Variants in ZNF536 observed in about 807,000 individuals in gnomAD.
ZNF536 encodes the protein zinc finger protein 536.
Under a neutral mutation model 84.5 loss-of-function variants are expected in ZNF536, and 13 were observed. That is an observed-to-expected ratio of 0.15 (90% CI 0.10 to 0.24). ZNF536 has a LOEUF of 0.24. Ranked by LOEUF, ZNF536 falls within the 10% of genes least tolerant of loss-of-function variation. The pLI is 1.00. For missense variants in ZNF536, 1,536 were observed against 1,747.5 expected, an observed-to-expected ratio of 0.88 and a Z score of 2.16; for synonymous variants, 811 against 742.5, an observed-to-expected ratio of 1.09 and a Z score of -1.50.
At chr19:30,283,953 A>C (rs2045543335) in intron 1 of ZNF536, 1 of 152,178 alleles carries the variant, frequency 6.6e-6, no homozygotes, top group African/African-American at 2.4e-5. Flanking sequence ...GGGCTATTCA[A>C]GTTTTTTAGG....
exon 2 of ZNF536, chr19:30,711,600 G>A (rs759743746): frequency 1.3e-5 from 2 of 152,288 alleles, no homozygotes; most frequent in South Asian, 2.1e-4. Flanking sequence ...GGGGCTGACC[G>A]GCACTGCAGA....
chr19:30,439,877 G>A (rs1310022768), intron 1 of ZNF536, among the ~76,000 whole-genome samples: 1 of 152,014 alleles, frequency 6.6e-6, no homozygotes, highest in Non-Finnish European at 1.5e-5. Flanking sequence ...GATAACCATG[G>A]ACACCTAGAC....
chr19:30,435,928 T>A (rs991639927), intron 1 of ZNF536, among the ~76,000 whole-genome samples: 5 of 151,724 alleles, frequency 3.3e-5, no homozygotes, highest in Non-Finnish European at 7.4e-5. Flanking sequence ...CCTTTGAGAA[T>A]TTTTTTTTCA....
intron 1 of ZNF536, among the ~76,000 whole-genome samples, chr19:30,641,518 ATAGT>A (rs746855643): frequency 1.3e-4 from 20 of 152,334 alleles, no homozygotes; most frequent in Admixed American, 2.6e-4. Context: ...ATATCATTAT[ATAGT>A]TATTTACCCT....
chr19:30,302,760 C>A (rs1342048622), intron 2 of ZNF536, among the ~76,000 whole-genome samples: 1 of 151,986 alleles, frequency 6.6e-6, no homozygotes, highest in Non-Finnish European at 1.5e-5. Context: ...AGCCCCATCC[C>A]AATCCTCCAG....
rs1169214591 is a variant in ZNF536, at chr19:30,623,032, G to GTTTTTT, written c.169+73520_169+73525dup. Among the ~76,000 whole-genome samples the GTTTTTT allele has an allele frequency of 1.4e-4, 13 of 92,912 alleles. 1 individual carries two copies. The highest frequency in any genetic ancestry group is 4.9e-4 in the African/African-American group (11 of 22,328). The allele number at this position is 92,912 out of a possible 152,430, so 61.0% of individuals were successfully genotyped here. Reference sequence around the variant, plus strand: ...CTAAAAATCTTGTGTTTTTTTTTTTGTTTTTTTGTTTTTTTGTTTTTTTGA... The same window carrying GTTTTTT: ...CTAAAAATCTTGTGTTTTTTTTTTTGTTTTTTTTTTTTTGTTTTTTTGTTTTTTTGA... On this transcript the variant is annotated intron_variant, in intron 1 of 1. Transcript: ENST00000592773.
At chr19:30,302,091 A>G in intron 2 of ZNF536, among the ~76,000 whole-genome samples, 1 of 152,104 alleles carries the variant, frequency 6.6e-6, no homozygotes, top group Non-Finnish European at 1.5e-5. Context: ...TGTATATAAT[A>G]TTTTTTCCCA....
chr19:30,464,478 GA>G (rs1169015863), intron 2 of ZNF536, among the ~76,000 whole-genome samples: 1 of 152,078 alleles, frequency 6.6e-6, no homozygotes, highest in African/African-American at 2.4e-5. Flanking sequence ...CATAAGGTCA[GA>G]AAGAACAAAT....
intron 1 of ZNF536, among the ~76,000 whole-genome samples, chr19:30,268,748 G>A (rs544701641): frequency 1.3e-5 from 2 of 152,310 alleles, no homozygotes; most frequent in South Asian, 2.1e-4. Flanking sequence ...AGAATGAAGC[G>A]AACATTCCTC....
At chr19:30,660,666 A>C (rs1423752637) in intron 1 of ZNF536, among the ~76,000 whole-genome samples, 2 of 152,228 alleles carry the variant, frequency 1.3e-5, no homozygotes, top group Non-Finnish European at 2.9e-5. Context: ...TTGAATATAT[A>C]TTTGATACAA....
chr19:30,463,820 T>C (rs986838434), intron 2 of ZNF536, among the ~76,000 whole-genome samples: 1 of 152,000 alleles, frequency 6.6e-6, no homozygotes, highest in Non-Finnish European at 1.5e-5. Context: ...GCGTGGGGGT[T>C]TGAGATGGGG....
At chr19:30,605,659 G>T (rs1308885812) in intron 1 of ZNF536, among the ~76,000 whole-genome samples, 2 of 152,126 alleles carry the variant, frequency 1.3e-5, no homozygotes, top group Non-Finnish European at 2.9e-5. Flanking sequence ...CATGTGTGTG[G>T]GTGTCTTTCA....
intron 3 of ZNF536, among the ~76,000 whole-genome samples, chr19:30,365,676 G>A (rs778293869): frequency 3.3e-5 from 5 of 152,128 alleles, no homozygotes; most frequent in Admixed American, 1.3e-4. Flanking sequence ...CTGCTTCTGC[G>A]GGGAATGAGA....
At chr19:30,240,214 CA>C (rs889427457) in intron 1 of ZNF536, among the ~76,000 whole-genome samples, 3 of 150,646 alleles carry the variant, frequency 2.0e-5, no homozygotes, top group Middle Eastern at 3.4e-3. Flanking sequence ...ACTAAAAATA[CA>C]AAAAAAAATT....
chr19:30,318,351 G>A (rs1458626961), intron 2 of ZNF536, among the ~76,000 whole-genome samples: 1 of 152,186 alleles, frequency 6.6e-6, no homozygotes, highest in East Asian at 1.9e-4. Flanking sequence ...CCAAGAACAA[G>A]GAAGGAACCG....
At chr19:30,661,503 G>T (rs749519759) in intron 1 of ZNF536, among the ~76,000 whole-genome samples, 34 of 152,046 alleles carry the variant, frequency 2.2e-4, no homozygotes, top group Non-Finnish European at 3.7e-4. Context: ...GCTTTTGGGG[G>T]GGCCAAATAA....
At chr19:30,356,011 G>T (rs1336401637) in intron 3 of ZNF536, among the ~76,000 whole-genome samples, 1 of 152,210 alleles carries the variant, frequency 6.6e-6, no homozygotes, top group Non-Finnish European at 1.5e-5. Context: ...ACACATGTAA[G>T]CCACTGTGCC....
At chr19:30,610,971 G>A (rs2048084742) in intron 1 of ZNF536, among the ~76,000 whole-genome samples, 1 of 152,224 alleles carries the variant, frequency 6.6e-6, no homozygotes, top group East Asian at 1.9e-4. Context: ...GAGCTTGGAG[G>A]CAATCATTCG....
At chr19:30,573,440 C>T (rs545955535) in intron 1 of ZNF536, among the ~76,000 whole-genome samples, 10 of 152,220 alleles carry the variant, frequency 6.6e-5, no homozygotes, top group African/African-American at 2.2e-4. Flanking sequence ...ACCAGTTGTA[C>T]GGTAGGACTA....
Sources: gnomAD v4.1 joint callset for allele counts (sites outside exome capture counted in the v4.1 genomes callset) on GRCh38, gnomAD v4.1.1 for gene constraint, MANE v1.5 for transcripts, NCBI Gene and HGNC (gene_info 2026-07-23, HGNC 2026-07-21) for gene names.